The following MAGI3 variants were observed in gnomAD, a reference collection of about 807,000 sequenced individuals.
MAGI3 encodes membrane associated guanylate kinase, WW and PDZ domain containing 3, also known as membrane-associated guanylate kinase, WW and PDZ domain-containing protein 3.
MAGI3 carries 43 observed loss-of-function variants against 121.8 expected under a neutral mutation model. The ratio of observed to expected loss-of-function variants is 0.35; its 90% CI spans 0.28 to 0.46. MAGI3 has a LOEUF of 0.46. Ranked by LOEUF, MAGI3 falls within the 20% of genes least tolerant of loss-of-function variation. MAGI3 has a pLI of 1.00. For missense variants in MAGI3, 1,547 were observed against 1,797.3 expected (o/e 0.86, Z 2.52); for synonymous variants, 553 against 639.3 (o/e 0.86, Z 2.04).
chr1:113,635,657 T>A (rs1405901054), intron 9 of MAGI3, among the ~76,000 whole-genome samples: 1 of 122,124 alleles, frequency 8.2e-6, no homozygotes, highest in African/African-American at 3.1e-5. Context: ...TTTGCATCAA[T>A]GTTCATCAAG....
At chr1:113,595,528 AAG>A (rs61474142) in intron 6 of MAGI3, among the ~76,000 whole-genome samples, 74,841 of 151,698 alleles carry the variant, frequency 0.49, 19,279 homozygotes, top group African/African-American at 0.63. Context: ...AATCTATAAA[AAG>A]AAATTAAACA....
At chr1:113,581,920 GC>G (rs1380373678) in intron 3 of MAGI3, among the ~76,000 whole-genome samples, 1 of 151,888 alleles carries the variant, frequency 6.6e-6, no homozygotes, top group Non-Finnish European at 1.5e-5. Flanking sequence ...AGATTAAAGT[GC>G]TTTTGAAGTT....
intron 9 of MAGI3, among the ~76,000 whole-genome samples, chr1:113,640,378 G>A (rs1332259017): frequency 1.3e-5 from 2 of 152,056 alleles, no homozygotes; most frequent in East Asian, 1.9e-4. Context: ...TCCCATTACT[G>A]GATATATACC....
chr1:113,579,774 A>AAATC (rs1213109901), intron 2 of MAGI3, among the ~76,000 whole-genome samples: 2 of 152,168 alleles, frequency 1.3e-5, no homozygotes, highest in African/African-American at 4.8e-5. Context: ...GGAAGAGCCC[A>AAATC]AGACGACTGA....
At chr1:113,592,969 G>A (rs947530801) in intron 5 of MAGI3, among the ~76,000 whole-genome samples, 1 of 152,150 alleles carries the variant, frequency 6.6e-6, no homozygotes, top group African/African-American at 2.4e-5. Context: ...CCGAGATCGG[G>A]CCACTGCACT....
chr1:113,593,071 C>T (rs1436826015), intron 5 of MAGI3, among the ~76,000 whole-genome samples: 2 of 152,054 alleles, frequency 1.3e-5, no homozygotes, highest in Non-Finnish European at 2.9e-5. Context: ...AGTATTATAC[C>T]TGGCAGTGGC....
Position 113,577,141 on chromosome 1 carries a change from A to G in MAGI3, c.434-3401A>G, listed in dbSNP as rs148049022. ...GGATGGAGGGAGGGAGAGGTTTATC[A>G]TCAGAGACACACAAGAAGGTTTTTG... On this transcript the variant is annotated intron_variant, in intron 2 of 20. Transcript: ENST00000307546. Among the ~76,000 whole-genome samples, 13 of 152,362 alleles carry G rather than the reference A, an allele frequency of 8.5e-5. No homozygotes were observed. In the East Asian group the frequency reaches 1.2e-3, roughly 14 times the overall value.
chr1:113,528,661 G>A (rs990779182), intron 1 of MAGI3, among the ~76,000 whole-genome samples: 36 of 152,130 alleles, frequency 2.4e-4, no homozygotes, highest in African/African-American at 8.7e-4. Flanking sequence ...TTATTTCATC[G>A]GGAGTTGCTA....
At chr1:113,495,358 C>CTTTT (rs11458302) in intron 1 of MAGI3, among the ~76,000 whole-genome samples, 1 of 143,944 alleles carries the variant, frequency 6.9e-6, no homozygotes, top group East Asian at 2.0e-4. Flanking sequence ...TGAAGTACCT[C>CTTTT]TTTTTTTTTT....
chr1:113,399,188 G>A (rs1651275669), intron 1 of MAGI3, among the ~76,000 whole-genome samples: 1 of 152,224 alleles, frequency 6.6e-6, no homozygotes, highest in Non-Finnish European at 1.5e-5. Context: ...GGTCCTTAAA[G>A]CTTCTCATCT....
chr1:113,458,990 A>G (rs1654902596), intron 1 of MAGI3, among the ~76,000 whole-genome samples: 1 of 152,242 alleles, frequency 6.6e-6, no homozygotes, highest in African/African-American at 2.4e-5. Context: ...AGACACATAC[A>G]TATTCAAAAT....
chr1:113,426,101 A>T (rs1375453772), intron 1 of MAGI3, among the ~76,000 whole-genome samples: 1 of 151,814 alleles, frequency 6.6e-6, no homozygotes, highest in African/African-American at 2.4e-5. Flanking sequence ...TTATATTTTC[A>T]TTTTCATTCA....
chr1:113,637,592 G>T (rs539324932), intron 9 of MAGI3, among the ~76,000 whole-genome samples: 1 of 152,338 alleles, frequency 6.6e-6, no homozygotes, highest in African/African-American at 2.4e-5. Context: ...TTTCTGCCAA[G>T]AGATCCACTG....
chr1:113,510,853 G>A (rs545656339), intron 1 of MAGI3, among the ~76,000 whole-genome samples: 3 of 152,152 alleles, frequency 2.0e-5, no homozygotes, highest in East Asian at 1.9e-4. Flanking sequence ...ATCTTCACAC[G>A]CACTGTTTGC....
intron 2 of MAGI3, among the ~76,000 whole-genome samples, chr1:113,569,520 A>G (rs1249962246): frequency 6.6e-6 from 1 of 152,170 alleles, no homozygotes; most frequent in Non-Finnish European, 1.5e-5. Context: ...CAAAGTTGCA[A>G]AGGTTTTGAG....
At position 113,651,133 on chromosome 1, in the gene MAGI3, C is replaced by G; in HGVS notation, c.2367C>G (p.Val789=). The part of the protein sequence containing the change: ...IPVKGKSHKQ[V]LDLMTTAARN... ...TTAAAGGGAAATCACACAAACAAGT[C>G]TTGGACCTCATGACAACTGCTGCTC... The change falls in exon 14 of 21, where the codon GTC becomes GTG. Residue 789 remains valine (V), a synonymous_variant. Coordinates refer to ENST00000307546, the MANE Select transcript of MAGI3 (RefSeq NM_001142782.2). 6.2e-7 allele frequency: 1 copy of G among 1,614,174 alleles called. No homozygotes were observed. The highest frequency in any genetic ancestry group is 8.5e-7 in the Non-Finnish European group (1 of 1,180,024).
intron 9 of MAGI3, 68 bp from the exon 10 acceptor site, chr1:113,641,843 G>A: frequency 2.8e-6 from 4 of 1,419,854 alleles, no homozygotes; most frequent in Admixed American, 2.3e-5. Context: ...AGTTATTTTT[G>A]CCCCTCTAGC....
intron 1 of MAGI3, among the ~76,000 whole-genome samples, chr1:113,477,727 G>C (rs1557778037): frequency 6.6e-6 from 1 of 152,156 alleles, no homozygotes; most frequent in Non-Finnish European, 1.5e-5. Context: ...TTCTTGAGGA[G>C]TATCTTTGTG....
At chr1:113,513,866 T>C (rs1437867024) in intron 1 of MAGI3, among the ~76,000 whole-genome samples, 10 of 152,218 alleles carry the variant, frequency 6.6e-5, no homozygotes, top group South Asian at 4.2e-4. Flanking sequence ...AGAAAATTTT[T>C]GCAACCTACT....
Sources: allele counts gnomAD v4.1 joint callset (sites outside exome capture counted in the v4.1 genomes callset), GRCh38; gene constraint gnomAD v4.1.1; transcripts MANE v1.5; gene names NCBI Gene and HGNC (gene_info 2026-07-23, HGNC 2026-07-21).